ULK4: variants seen among roughly 807,000 people sequenced by gnomAD.
The protein encoded by ULK4 is inactive serine/threonine-protein kinase ULK4.
Under a neutral mutation model 160.6 loss-of-function variants are expected in ULK4, and 133 were observed. The ratio of observed to expected loss-of-function variants is 0.83; its 90% CI spans 0.72 to 0.96. The LOEUF (loss-of-function observed/expected upper bound fraction) is 0.96, where lower values mean the gene tolerates loss of function less well. ULK4 is among the 40% of genes least tolerant of loss of function. The pLI, the probability that ULK4 is intolerant of heterozygous loss-of-function variation, is 0.00. For synonymous variants in ULK4, 534 were observed against 539.8 expected (o/e 0.99, Z 0.15); for missense variants, 1,580 against 1,499.5 (o/e 1.05, Z -0.89).
chr3:41,519,522 T>C (rs887345212), intron 32 of ULK4, among the ~76,000 whole-genome samples: 3 of 152,204 alleles, frequency 2.0e-5, no homozygotes, highest in Admixed American at 2.0e-4. Context: ...TGTTCCTCAG[T>C]TGGGACACCA....
intron 5 of ULK4, among the ~76,000 whole-genome samples, chr3:41,925,393 G>A (rs1253419049): frequency 6.6e-6 from 1 of 152,166 alleles, no homozygotes; most frequent in Admixed American, 6.5e-5. Context: ...TTTTTCCCAC[G>A]GTCTTTGCAA....
At position 41,425,816 on chromosome 3, in the gene ULK4, T is replaced by C. The variant is rs184056542; in HGVS notation, c.3493-27552A>G. The stretch of plus-strand genomic sequence containing the variant: ...GAAAGGAAAAACCATTCCCAGCCAC[T>C]GCAAAAACATACTGAAGTACAAAGA... On this transcript the variant is annotated intron_variant, in intron 34 of 36. Coordinates refer to ENST00000301831, the MANE Select transcript of ULK4 (RefSeq NM_017886.4). 4.9e-3 allele frequency among the ~76,000 whole-genome samples: 739 copies of C among 152,246 alleles called. 10 individuals carry two copies. Among genetic ancestry groups the C allele is most frequent in the African/African-American group, 0.012 (506 of 41,548 alleles).
At chr3:41,926,047 CTGATTG>C (rs1699374259) in intron 5 of ULK4, among the ~76,000 whole-genome samples, 1 of 151,744 alleles carries the variant, frequency 6.6e-6, no homozygotes. Context: ...CCTGTGTCTC[CTGATTG>C]GGAGACACTT....
At chr3:41,729,560 G>A (rs572155082) in intron 22 of ULK4, among the ~76,000 whole-genome samples, 1 of 152,306 alleles carries the variant, frequency 6.6e-6, no homozygotes, top group Non-Finnish European at 1.5e-5. Context: ...CAGCCCCTTG[G>A]AGCAAATAGG....
chr3:41,635,504 A>G (rs571873652), intron 30 of ULK4, among the ~76,000 whole-genome samples: 7 of 152,314 alleles, frequency 4.6e-5, no homozygotes, highest in African/African-American at 1.7e-4. Context: ...TACAAATAAA[A>G]TATAATCCCA....
At position 41,499,752 on chromosome 3, in the gene ULK4, T is replaced by C. The variant is rs541285381; in HGVS notation, c.3227-36499A>G. ...ATAACATGTGTATGGCACATTGGGG[T>C]TAAAAATGAGGTTGTCTATGGCTAG... On this transcript the variant is annotated intron_variant, in intron 32 of 36. Coordinates refer to ENST00000301831, the MANE Select transcript of ULK4 (RefSeq NM_017886.4). Among the ~76,000 whole-genome samples the C allele has an allele frequency of 2.0e-5, 3 of 152,168 alleles. No homozygotes were observed. In the South Asian group the frequency reaches 6.2e-4, roughly 32 times the overall value.
At chr3:41,818,557 C>T (rs1176434519) in intron 19 of ULK4, among the ~76,000 whole-genome samples, 1 of 152,190 alleles carries the variant, frequency 6.6e-6, no homozygotes, top group East Asian at 1.9e-4. Flanking sequence ...ACATCATATC[C>T]CATAATGACA....
chr3:41,765,139 C>T (rs776620345), intron 21 of ULK4, among the ~76,000 whole-genome samples: 8 of 152,068 alleles, frequency 5.3e-5, no homozygotes, highest in Admixed American at 2.6e-4. Flanking sequence ...TTCACAATAG[C>T]GAAGACTTGG....
At chr3:41,888,970 A>G (rs1697823304) in intron 16 of ULK4, among the ~76,000 whole-genome samples, 1 of 152,242 alleles carries the variant, frequency 6.6e-6, no homozygotes, top group Admixed American at 6.5e-5. Flanking sequence ...AGGCAAGCAT[A>G]AAGGAAACTC....
At chr3:41,756,943 C>A (rs1398576232) in intron 21 of ULK4, among the ~76,000 whole-genome samples, 1 of 152,000 alleles carries the variant, frequency 6.6e-6, no homozygotes, top group African/African-American at 2.4e-5. Flanking sequence ...CAATCTCAGA[C>A]TGGGGAAAAT....
intron 29 of ULK4, among the ~76,000 whole-genome samples, chr3:41,670,183 A>C (rs1465076463): frequency 1.3e-5 from 2 of 152,194 alleles, no homozygotes; most frequent in Admixed American, 1.3e-4. Context: ...GGTTTAGGTA[A>C]AGAGCAGGCT....
rs139236275 is a variant in ULK4, at chr3:41,758,273, G to A, written c.2194-3785C>T. Among the ~76,000 whole-genome samples the A allele has an allele frequency of 2.9e-3, 443 of 152,246 alleles. 4 individuals are homozygous for A. The highest frequency in any genetic ancestry group is 0.01 in the African/African-American group (424 of 41,542). On this transcript the variant is annotated intron_variant, in intron 21 of 36. Coordinates refer to ENST00000301831, the MANE Select transcript of ULK4 (RefSeq NM_017886.4). ...TAAATTACCCCGTCTAAGGTACCTT[G>A]TTATAGCAGCCCAAACATACTAAGA...
chr3:41,794,685 A>AAAAAAAAAAAAAAAAAAAAC (rs1553654846), intron 20 of ULK4, among the ~76,000 whole-genome samples: 3 of 129,088 alleles, frequency 2.3e-5, no homozygotes, highest in African/African-American at 3.2e-5. Context: ...AAAAAAAAAA[A>AAAAAAAAAAAAAAAAAAAAC]ACACAGAAAA....
At chr3:41,341,231 G>A (rs2080676535) in intron 35 of ULK4, among the ~76,000 whole-genome samples, 1 of 152,214 alleles carries the variant, frequency 6.6e-6, no homozygotes, top group Non-Finnish European at 1.5e-5. Context: ...TCATGTTTCA[G>A]AATAAACAGC....
intron 2 of ULK4, among the ~76,000 whole-genome samples, chr3:41,940,494 TA>T (rs977156293): frequency 1.8e-4 from 26 of 147,930 alleles, no homozygotes; most frequent in Admixed American, 5.4e-4. Flanking sequence ...TCATCTTCAC[TA>T]AAAAAAAAAA....
chr3:41,581,747 C>A (rs964766758), intron 31 of ULK4, among the ~76,000 whole-genome samples: 2 of 152,112 alleles, frequency 1.3e-5, no homozygotes, highest in Admixed American at 6.5e-5. Context: ...GGCTAAGGAG[C>A]AGTGCCATGT....
intron 25 of ULK4, among the ~76,000 whole-genome samples, chr3:41,708,310 G>A (rs6768329): frequency 0.068 from 10,296 of 152,086 alleles, 1,143 homozygotes; most frequent in African/African-American, 0.23. Flanking sequence ...CAGATGAACG[G>A]ATTTTTTAAA....
chr3:41,513,610 C>G (rs2085658090), intron 32 of ULK4, among the ~76,000 whole-genome samples: 1 of 152,120 alleles, frequency 6.6e-6, no homozygotes, highest in African/African-American at 2.4e-5. Flanking sequence ...TCCAGCCTGG[C>G]AACAGAGCAA....
At chr3:41,864,823 A>T (rs2042581545) in intron 17 of ULK4, among the ~76,000 whole-genome samples, 5 of 151,954 alleles carry the variant, frequency 3.3e-5, no homozygotes, top group Admixed American at 3.3e-4. Context: ...AAGACCAATT[A>T]CCCTAGGTCA....
Sources: gnomAD v4.1 joint callset for allele counts (sites outside exome capture counted in the v4.1 genomes callset) on GRCh38, gnomAD v4.1.1 for gene constraint, MANE v1.5 for transcripts, NCBI Gene and HGNC (gene_info 2026-07-23, HGNC 2026-07-21) for gene names.